FDX2: variants seen among roughly 807,000 people sequenced by gnomAD.
FDX2 encodes ferredoxin 2, also known as ferredoxin-2, mitochondrial.
Under a neutral mutation model 18.5 loss-of-function variants are expected in FDX2, and 13 were observed. The observed-to-expected ratio is 0.70, with a 90% CI of 0.46 to 1.12. The LOEUF (loss-of-function observed/expected upper bound fraction) is 1.12. Ranked by LOEUF, FDX2 falls within the 50% of genes most tolerant of loss-of-function variation. The pLI, the probability that FDX2 is intolerant of heterozygous loss-of-function variation, is 0.00. For missense variants in FDX2, 238 were observed against 250.4 expected (o/e 0.95, Z 0.34); for synonymous variants, 132 against 106.2 (o/e 1.24, Z -1.49).
chr19:10,310,784 G>A lies in FDX2; in HGVS notation c.404+69C>T, dbSNP rs893452600. 2.1e-5 allele frequency: 33 copies of A among 1,546,516 alleles called. No homozygotes were observed. In the Admixed American group the frequency reaches 5.7e-4, roughly 27 times the overall value. Reference sequence around the variant, plus strand: ...GCTCCCATTCCAGGAACTGGAAGTGGGGAGGATGGTGGGGGCTGCTGAATG... The same window carrying A: ...GCTCCCATTCCAGGAACTGGAAGTGAGGAGGATGGTGGGGGCTGCTGAATG... On this transcript the variant is annotated intron_variant, in intron 4 of 4. Transcript: ENST00000393708.
At chr19:10,311,997 A>G (rs1481899525) in intron 3 of FDX2, among the ~76,000 whole-genome samples, 1 of 150,488 alleles carries the variant, frequency 6.6e-6, no homozygotes, top group Non-Finnish European at 1.5e-5. Context: ...CAGCCTCCCA[A>G]GTAGCTGGGA....
At chr19:10,312,608 C>T (rs1391023396) in intron 3 of FDX2, among the ~76,000 whole-genome samples, 1 of 152,168 alleles carries the variant, frequency 6.6e-6, no homozygotes, top group African/African-American at 2.4e-5. Flanking sequence ...TCTCGGCTCA[C>T]TACAAGCTCC....
chr19:10,314,370 C>T (rs1395460060), intron 3 of FDX2, among the ~76,000 whole-genome samples: 4 of 152,158 alleles, frequency 2.6e-5, no homozygotes, highest in Non-Finnish European at 5.9e-5. Context: ...TGAATAAGGA[C>T]ATGGGTCACC....
intron 3 of FDX2, among the ~76,000 whole-genome samples, chr19:10,312,499 TC>T (rs1287763290): frequency 6.6e-6 from 1 of 152,010 alleles, no homozygotes; most frequent in Non-Finnish European, 1.5e-5. Context: ...GTCTTGCAGT[TC>T]CCCCATCCCC....
In FDX2 at chr19:10,315,884, G is replaced by A; in HGVS notation, c.122C>T (p.Ala41Val). Residue 41 changes from alanine (A) to valine (V), a missense_variant, in exon 1 of 5, where the codon GCG becomes GTG. By Grantham distance (64) the Ala-to-Val change is moderately conservative (BLOSUM62 0). Coordinates refer to ENST00000393708, the MANE Select transcript of FDX2 (RefSeq NM_001031734.4). The stretch of plus-strand genomic sequence containing the variant: ...TTGAAACTTTCTGGTTGTCCCCAGC[G>A]CCACCCCCTCCCCCGACCCGGAAGT... The A allele has an allele frequency of 6.2e-7, 1 of 1,601,558 alleles. No individual in the cohort carries two copies. Among genetic ancestry groups the A allele is most frequent in the Non-Finnish European group, 8.5e-7 (1 of 1,176,020 alleles).
chr19:10,315,462 G>A lies in FDX2; in HGVS notation c.240C>T (p.Gly80=), dbSNP rs749009322. 5 of 1,613,906 alleles carry A rather than the reference G, an allele frequency of 3.1e-6. No individual in the cohort carries two copies. Among genetic ancestry groups the A allele is most frequent in the Non-Finnish European group, 4.2e-6 (5 of 1,179,988 alleles). The change falls in exon 3 of 5, where the codon GGC becomes GGT. Residue 80 remains glycine (G), a synonymous_variant. Transcript: ENST00000393708. ...CTCTGCCACTCACTGGGATCCGCTG[G>A]CCTGAGCGGTCTACGAACACCACGT...
At position 10,315,777 on chromosome 19, in the gene FDX2, G is replaced by C; in HGVS notation, c.155-18C>G. 1 of 1,603,644 alleles carries C rather than the reference G, an allele frequency of 6.2e-7. No individual in the cohort carries two copies. The highest frequency in any genetic ancestry group is 8.5e-7 in the Non-Finnish European group (1 of 1,175,808). ...GCGCGAGCCTGGAAAACACGGTTCG[G>C]TGAGCGGCTGCGCCGAGCCCCGCCC... On this transcript the variant is annotated intron_variant, in intron 1 of 4. Coordinates refer to ENST00000393708, the MANE Select transcript of FDX2 (RefSeq NM_001031734.4).
At chr19:10,313,671 ATTTTTTTTTTT>A (rs1198833749) in intron 3 of FDX2, among the ~76,000 whole-genome samples, 6 of 45,408 alleles carry the variant, frequency 1.3e-4, no homozygotes, top group South Asian at 1.1e-3. Context: ...ATATATATAT[ATTTTTTTTTTT>A]TTTTTTTTTT....
Position 10,310,592 on chromosome 19 carries a change from AGCCGC to A in FDX2, c.450_454del (p.Arg151GlyfsTer37). On this transcript the variant is annotated frameshift_variant, in exon 5 of 5. Coordinates refer to ENST00000393708, the MANE Select transcript of FDX2 (RefSeq NM_001031734.4). LOFTEE classifies it high-confidence loss of function. ...CGGTGTCAGCACAATCTGGCAGCCC[AGCCGC>A]GAGTTCTCCTGGAGGAGGGGGGCCA... 1 of 1,613,772 alleles carries A rather than the reference AGCCGC, an allele frequency of 6.2e-7. No individual in the cohort carries two copies.
chr19:10,314,629 G>C (rs2040358500), intron 3 of FDX2, among the ~76,000 whole-genome samples: 1 of 152,178 alleles, frequency 6.6e-6, no homozygotes, highest in Non-Finnish European at 1.5e-5. Flanking sequence ...AGAGTAACTA[G>C]GGCATGGGTA....
chr19:10,315,338 TGGA>T, intron 3 of FDX2, 45 bp downstream of exon 3: 1 of 1,032,662 alleles, frequency 9.7e-7, no homozygotes, highest in Non-Finnish European at 1.4e-6. Context: ...TTTTTTTTTT[TGGA>T]CAAATGTATA....
chr19:10,315,318 G>T (rs12976540), intron 3 of FDX2, 68 bp downstream of exon 3: 5,167 of 427,618 alleles, frequency 0.012, 405 homozygotes, highest in Admixed American at 0.063. Context: ...CTAATTTGTG[G>T]GTTTTTTTTT....
At position 10,315,251 on chromosome 19, in the gene FDX2, G is replaced by A. The variant is rs185441781; in HGVS notation, c.316+135C>T. On this transcript the variant is annotated intron_variant, in intron 3 of 4. Coordinates refer to ENST00000393708, the MANE Select transcript of FDX2 (RefSeq NM_001031734.4). ...GAGCTTGGCAACAGATGAGGCCATG[G>A]TGAGGGGTTTGGATTTTAGTCCATA... 2.0e-3 allele frequency: 1,326 copies of A among 666,128 alleles called. 3 individuals carry two copies. Among genetic ancestry groups the A allele is most frequent in the Non-Finnish European group, 3.0e-3 (1,183 of 396,944 alleles). The allele number at this position is 666,128 out of a possible 1,614,324, so 41.3% of individuals were successfully genotyped here. A position where few individuals can be genotyped will look rare whatever the true frequency, so the allele number is the denominator to read the frequency against.
intron 3 of FDX2, among the ~76,000 whole-genome samples, chr19:10,314,422 GC>G (rs2040356372): frequency 6.6e-6 from 1 of 152,198 alleles, no homozygotes. Flanking sequence ...AAACAAAACA[GC>G]CTGGCATTGT....
chr19:10,313,470 G>C (rs2040343751), intron 3 of FDX2, among the ~76,000 whole-genome samples: 2 of 151,564 alleles, frequency 1.3e-5, no homozygotes, highest in Admixed American at 1.3e-4. Context: ...TCATAGAAAG[G>C]CAGCACAGAT....
chr19:10,313,734 G>C (rs2040349551), intron 3 of FDX2, among the ~76,000 whole-genome samples: 2 of 125,934 alleles, frequency 1.6e-5, no homozygotes, highest in South Asian at 5.3e-4. Flanking sequence ...GCCCAGGCTG[G>C]AGTGCAGTGG....
chr19:10,315,586 G>C, intron 2 of FDX2, 94 bp from the exon 3 acceptor site: 1 of 1,520,576 alleles, frequency 6.6e-7, no homozygotes, highest in Non-Finnish European at 9.0e-7. Context: ...GAGGCTTGAC[G>C]CACAGGTACT....
intron 3 of FDX2, 73 bp from the exon 4 acceptor site, chr19:10,311,013 A>G (rs985732766): frequency 8.9e-7 from 1 of 1,125,850 alleles, no homozygotes; most frequent in Non-Finnish European, 1.3e-6. Context: ...AATGGCGTAG[A>G]GGAGTAGACC....
chr19:10,313,983 CT>C (rs927167236), intron 3 of FDX2, among the ~76,000 whole-genome samples: 15 of 143,324 alleles, frequency 1.0e-4, no homozygotes, highest in African/African-American at 1.0e-4. Flanking sequence ...CGCGCCTGGC[CT>C]TTTTTTTTTG....
Sources: gnomAD v4.1 joint callset for allele counts (sites outside exome capture counted in the v4.1 genomes callset) on GRCh38, gnomAD v4.1.1 for gene constraint, MANE v1.5 for transcripts, NCBI Gene and HGNC (gene_info 2026-07-23, HGNC 2026-07-21) for gene names.